RGS12: variants seen among roughly 807,000 people sequenced by gnomAD.
RGS12 encodes the protein regulator of G-protein signaling 12.
Under a neutral mutation model 120.1 loss-of-function variants are expected in RGS12, and 66 were observed. The observed-to-expected ratio is 0.55, with a 90% CI of 0.45 to 0.67. RGS12 has a LOEUF of 0.67. Ranked by LOEUF, RGS12 falls within the 30% of genes least tolerant of loss-of-function variation. RGS12 has a pLI of 0.00. For missense variants in RGS12, 1,859 were observed against 1,957.7 expected (o/e 0.95, Z 0.95); for synonymous variants, 827 against 804.7 (o/e 1.03, Z -0.47).
chr4:3,432,101 T>G (rs2109245775), intron 17 of RGS12: 1 of 985,502 alleles, frequency 1.0e-6, no homozygotes, highest in Non-Finnish European at 1.2e-6. Flanking sequence ...TCCGTCTTGG[T>G]GGACACCTGT....
At chr4:3,364,296 C>G (rs1040458307) in intron 3 of RGS12, among the ~76,000 whole-genome samples, 1 of 152,290 alleles carries the variant, frequency 6.6e-6, no homozygotes, top group Admixed American at 6.5e-5. Flanking sequence ...GTAACTGTGA[C>G]TTGGGGCCTC....
chr4:3,388,832 T>C (rs952013402), intron 4 of RGS12, among the ~76,000 whole-genome samples: 6 of 152,180 alleles, frequency 3.9e-5, no homozygotes, highest in African/African-American at 7.2e-5. Flanking sequence ...CTGTGGTCAG[T>C]GGGAGACTCA....
chr4:3,415,243 C>T (rs892869716), intron 6 of RGS12, among the ~76,000 whole-genome samples: 5 of 151,698 alleles, frequency 3.3e-5, no homozygotes, highest in African/African-American at 1.2e-4. Flanking sequence ...GAGGCTGGCT[C>T]GGTGCAGGGA....
intron 4 of RGS12, among the ~76,000 whole-genome samples, chr4:3,403,095 C>T (rs921661906): frequency 2.0e-5 from 3 of 152,242 alleles, no homozygotes; most frequent in African/African-American, 7.2e-5. Context: ...TCTGCTCACT[C>T]GCATGGCCTC....
intron 1 of RGS12, among the ~76,000 whole-genome samples, chr4:3,311,767 C>T (rs993329484): frequency 1.3e-5 from 2 of 152,200 alleles, no homozygotes; most frequent in African/African-American, 2.4e-5. Flanking sequence ...TATCTCATTA[C>T]GTATATACAG....
rs1036488119 is a variant in RGS12, at chr4:3,389,999, C to G, written c.2020+3562C>G. ...CCCCCTACTCGTCCTCCATGCAGAC[C>G]TCAGTCTTGGCCCTGTCTCTGCAGC... is the stretch of plus-strand genomic sequence containing the variant. On this transcript the variant is annotated intron_variant, in intron 4 of 17. Coordinates refer to ENST00000336727, the MANE Select transcript of RGS12 (RefSeq NM_001394154.1). This position sits in a 1 kb window ranked among gnomAD's most constrained non-coding sequence, Gnocchi z 5.2. 6.6e-6 allele frequency among the ~76,000 whole-genome samples: 1 copy of G among 152,150 alleles called. No individual in the cohort carries two copies. Among genetic ancestry groups the G allele is most frequent in the Non-Finnish European group, 1.5e-5 (1 of 68,028 alleles).
intron 1 of RGS12, among the ~76,000 whole-genome samples, chr4:3,302,254 T>C (rs1723727442): frequency 6.6e-6 from 1 of 152,142 alleles, no homozygotes; most frequent in Admixed American, 6.5e-5. Flanking sequence ...TGTTCACTTT[T>C]CCTGAAGCCA....
intron 1 of RGS12, among the ~76,000 whole-genome samples, chr4:3,307,281 G>A (rs1447609971): frequency 6.6e-6 from 1 of 152,222 alleles, no homozygotes; most frequent in Non-Finnish European, 1.5e-5. Context: ...TCTTGGACAT[G>A]AGCCCGCGCA....
intron 7 of RGS12, 81 bp from the exon 8 acceptor site, chr4:3,416,832 C>T (rs1722453034): frequency 3.8e-6 from 5 of 1,326,904 alleles, no homozygotes; most frequent in Non-Finnish European, 4.2e-6. Context: ...TGGTTGCCTA[C>T]AGGTCGCCAA....
At position 3,317,335 on chromosome 4, in the gene RGS12, C is replaced by G. The variant is rs1724844441; in HGVS notation, c.1165C>G (p.Leu389Val). 2.5e-6 allele frequency: 4 copies of G among 1,614,170 alleles called. No homozygotes were observed. The highest frequency in any genetic ancestry group is 2.2e-5 in the South Asian group (2 of 91,084). ...CCCCGTCCTGCAGTTCATCTCTGTC[C>G]TGTACCGAGACATGGGTGAGCTGAT... ...SLPVLQFISVLYRDMGELIEG... is the reference protein window; with the variant it reads ...SLPVLQFISVVYRDMGELIEG... The change falls in exon 2 of 18, where the codon CTG (leucine) becomes GTG (valine). Residue 389 changes from leucine to valine, a missense_variant. Transcript: ENST00000336727.
chr4:3,432,976 A>T (rs1724465005), intron 17 of RGS12, among the ~76,000 whole-genome samples: 1 of 152,188 alleles, frequency 6.6e-6, no homozygotes, highest in African/African-American at 2.4e-5. Flanking sequence ...GGGCGTTGGG[A>T]CAGAAACTGC....
chr4:3,343,696 C>T (rs774424505), intron 3 of RGS12, among the ~76,000 whole-genome samples: 1 of 152,026 alleles, frequency 6.6e-6, no homozygotes, highest in Admixed American at 6.5e-5. Flanking sequence ...CGTGCACCCA[C>T]CGCTGTGTAT....
chr4:3,330,249 G>C (rs1233144212), intron 2 of RGS12, among the ~76,000 whole-genome samples: 1 of 152,180 alleles, frequency 6.6e-6, no homozygotes, highest in Non-Finnish European at 1.5e-5. Context: ...TTTATTTACT[G>C]TGAGCAATCC....
At chr4:3,386,361 C>CAGA in intron 3 of RGS12, 55 bp from the exon 4 acceptor site, 1 of 1,561,674 alleles carries the variant, frequency 6.4e-7, no homozygotes, top group East Asian at 2.2e-5. Context: ...TTTTCGTTTC[C>CAGA]TGGAGTTTTG....
chr4:3,309,360 CGCTG>C (rs1560645308), intron 1 of RGS12, among the ~76,000 whole-genome samples: 1 of 133,738 alleles, frequency 7.5e-6, no homozygotes, highest in African/African-American at 3.2e-5. Context: ...GGCAGGTGTC[CGCTG>C]AGGGGAACCG....
chr4:3,347,343 G>C (rs1305308804), intron 3 of RGS12, among the ~76,000 whole-genome samples: 2 of 152,110 alleles, frequency 1.3e-5, no homozygotes, highest in East Asian at 2.0e-4. Flanking sequence ...ACTCGGGAGG[G>C]TGAGGCCGGA....
chr4:3,291,594 G>C (rs1338230398), upstream of RGS12, among the ~76,000 whole-genome samples: 1 of 152,170 alleles, frequency 6.6e-6, no homozygotes, highest in Non-Finnish European at 1.5e-5. Flanking sequence ...CGATCTGTCC[G>C]CCTCAGCCTC....
At chr4:3,293,259 C>G (rs1222259438) in intron 1 of RGS12, among the ~76,000 whole-genome samples, 160 bp downstream of exon 1, 1 of 146,090 alleles carries the variant, frequency 6.8e-6, no homozygotes, top group Non-Finnish European at 1.5e-5. Context: ...CCCGCCCTGC[C>G]TTTTGTTCGC....
rs140896530 is a variant in RGS12, at chr4:3,379,946, A to G, written c.1999-6470A>G. 1.4e-3 allele frequency among the ~76,000 whole-genome samples: 219 copies of G among 152,326 alleles called. 1 individual carries two copies. Among genetic ancestry groups the G allele is most frequent in the African/African-American group, 4.6e-3 (191 of 41,578 alleles). ...TTTGAAACACAATCATGCCCTTCCAACAGTTCCCCCAAAGTCTTAACTCAT... is the reference window on the plus strand; with the variant it reads ...TTTGAAACACAATCATGCCCTTCCAGCAGTTCCCCCAAAGTCTTAACTCAT... On this transcript the variant is annotated intron_variant, in intron 3 of 17. Coordinates refer to ENST00000336727, the MANE Select transcript of RGS12 (RefSeq NM_001394154.1).
Sources: gnomAD v4.1 joint callset for allele counts (sites outside exome capture counted in the v4.1 genomes callset) on GRCh38, gnomAD v4.1.1 for gene constraint, Gnocchi (gnomAD v3.1) non-coding constraint, MANE v1.5 for transcripts, NCBI Gene and HGNC (gene_info 2026-07-23, HGNC 2026-07-21) for gene names.